The following TENM1 variants were observed in gnomAD, a reference collection of about 807,000 sequenced individuals.
The protein encoded by TENM1 is teneurin-1.
TENM1 carries 35 observed loss-of-function variants against 174.8 expected under a neutral mutation model. That is an observed-to-expected ratio of 0.20 (90% CI 0.15 to 0.27). The LOEUF is 0.27. Among genes scored for constraint, TENM1 ranks in the 10% least tolerant of loss-of-function variants. TENM1 has a pLI of 1.00. For synonymous variants in TENM1, 781 were observed against 798.7 expected (o/e 0.98, Z 0.37); for missense variants, 1,633 against 2,130.1 (o/e 0.77, Z 4.59).
chrX:124,744,965 G>A (rs2053882253), intron 3 of TENM1, among the ~76,000 whole-genome samples: 1 of 111,734 alleles, frequency 8.9e-6, no homozygotes, highest in South Asian at 3.8e-4. Context: ...TGTGTCTGAA[G>A]TTTCAAGAAA....
chrX:124,850,948 T>C (rs1246825589), intron 3 of TENM1, among the ~76,000 whole-genome samples: 2 of 111,623 alleles, frequency 1.8e-5, no homozygotes, highest in Non-Finnish European at 3.8e-5. Flanking sequence ...TAACTTAAAC[T>C]TCTGAATAAA....
chrX:125,123,107 A>C, the TENM1 span, among the ~76,000 whole-genome samples: 2 of 111,811 alleles, frequency 1.8e-5, no homozygotes, highest in African/African-American at 6.5e-5. Context: ...ACCTAAAGCC[A>C]AAAGTACATT....
intron 3 of TENM1, among the ~76,000 whole-genome samples, chrX:124,747,599 G>C (rs997407825): frequency 1.9e-5 from 2 of 107,523 alleles, no homozygotes; most frequent in African/African-American, 6.8e-5. Context: ...TCTTCGTTAA[G>C]CTCATTCAAG....
intron 1 of TENM1, among the ~76,000 whole-genome samples, chrX:124,906,146 T>C (rs189257876): frequency 4.4e-4 from 49 of 111,982 alleles, no homozygotes; most frequent in Admixed American, 3.6e-3. Context: ...CTCAGAACAC[T>C]TACATTAGCT....
rs751190595 is a variant in TENM1, at chrX:124,942,170, T to G, written c.217+21367A>C. On this transcript the variant is annotated intron_variant, in intron 1 of 31. Coordinates refer to ENST00000422452, the Ensembl canonical transcript of TENM1. ...TCTCTCTTTCATTGCTTACAACCAG[T>G]TAGCCCCTAAGTCTTGCCAATTTAA... 6.3e-5 allele frequency among the ~76,000 whole-genome samples: 7 copies of G among 111,759 alleles called. 1 individual carries two copies. The South Asian group carries it at 2.6e-3, about 42-fold the overall frequency.
intron 28 of TENM1, among the ~76,000 whole-genome samples, chrX:124,387,007 G>A (rs2147598701): frequency 9.3e-6 from 1 of 107,443 alleles, no homozygotes; most frequent in African/African-American, 3.4e-5. Context: ...AAGGTAAATG[G>A]ATGGCAGGGC....
chrX:124,927,578 T>C (rs374860899), intron 1 of TENM1, among the ~76,000 whole-genome samples: 1 of 111,843 alleles, frequency 8.9e-6, no homozygotes, highest in Non-Finnish European at 1.9e-5. Context: ...TAAGGGACTA[T>C]ATGAGGGGGG....
chrX:125,117,666 G>A, the TENM1 span, among the ~76,000 whole-genome samples: 7 of 110,528 alleles, frequency 6.3e-5, no homozygotes, highest in East Asian at 1.4e-3. Context: ...AAACCTGCAC[G>A]TTCTGTACAT....
chrX:124,814,436 A>G (rs2055853833), intron 3 of TENM1, among the ~76,000 whole-genome samples: 1 of 110,886 alleles, frequency 9.0e-6, no homozygotes, highest in Non-Finnish European at 1.9e-5. Context: ...TCCTTACAGT[A>G]GCCCACTACA....
Position 124,902,820 on chromosome X carries a change from T to C in TENM1, c.218-6579A>G, listed in dbSNP as rs7890953. ...GTCTTAGAAAATTAGTTCAATTTAA[T>C]TTCCTCCTTTCTTCATGAAAATGTT... On this transcript the variant is annotated intron_variant, in intron 1 of 31. Coordinates refer to ENST00000422452, the Ensembl canonical transcript of TENM1. 4.5e-3 allele frequency among the ~76,000 whole-genome samples: 505 copies of C among 112,525 alleles called. 2 individuals are homozygous for C. Among genetic ancestry groups the C allele is most frequent in the African/African-American group, 0.015 (481 of 31,054 alleles).
chrX:125,018,964 T>A, the TENM1 span, among the ~76,000 whole-genome samples: 1 of 112,194 alleles, frequency 8.9e-6, no homozygotes, highest in East Asian at 2.8e-4. Flanking sequence ...GTGCTTCTCA[T>A]AAATTGCTGA....
intron 18 of TENM1, among the ~76,000 whole-genome samples, chrX:124,504,909 ATGT>A (rs2047413048): frequency 2.7e-5 from 3 of 112,163 alleles, no homozygotes; most frequent in African/African-American, 9.8e-5. Context: ...GTGCATGTGC[ATGT>A]GTATGTGAGC....
At chrX:124,672,034 G>A (rs2051936708) in intron 5 of TENM1, among the ~76,000 whole-genome samples, 199 bp from the exon 9 acceptor site, 1 of 112,067 alleles carries the variant, frequency 8.9e-6, no homozygotes, top group Non-Finnish European at 1.9e-5. Flanking sequence ...AGCTGTTAAA[G>A]TAGCTGTTGT....
chrX:124,458,737 G>C (rs981923526), intron 22 of TENM1, among the ~76,000 whole-genome samples: 1 of 111,926 alleles, frequency 8.9e-6, no homozygotes, highest in African/African-American at 3.2e-5. Context: ...TTCTGATTGA[G>C]AGAAAGACAG....
At chrX:124,411,480 CAG>C (rs1332567829) in intron 25 of TENM1, among the ~76,000 whole-genome samples, 1 of 111,386 alleles carries the variant, frequency 9.0e-6, no homozygotes, top group Admixed American at 9.5e-5. Flanking sequence ...TTTCTGTGGC[CAG>C]AGAGGCCAAT....
intron 25 of TENM1, among the ~76,000 whole-genome samples, chrX:124,413,340 G>A (rs1285152374): frequency 8.9e-6 from 1 of 111,985 alleles, no homozygotes; most frequent in African/African-American, 3.3e-5. Flanking sequence ...GGAGGACACA[G>A]TGTCTCATTC....
chrX:124,795,731 G>C (rs1352563574), intron 3 of TENM1, among the ~76,000 whole-genome samples: 1 of 109,679 alleles, frequency 9.1e-6, no homozygotes, highest in Non-Finnish European at 1.9e-5. Context: ...AAATTTAGGC[G>C]GTGGTTTCTG....
At chrX:125,158,873 A>C in the TENM1 span, among the ~76,000 whole-genome samples, 1 of 111,596 alleles carries the variant, frequency 9.0e-6, no homozygotes, top group South Asian at 3.8e-4. Flanking sequence ...AAAAACATCC[A>C]ACATAATATT....
At chrX:124,926,982 G>A (rs748204921) in intron 1 of TENM1, among the ~76,000 whole-genome samples, 14 of 111,725 alleles carry the variant, frequency 1.3e-4, no homozygotes, top group Non-Finnish European at 2.4e-4. Context: ...GATTATTCTA[G>A]GTTTTTCATT....
Sources: gnomAD v4.1 joint callset for allele counts (sites outside exome capture counted in the v4.1 genomes callset) on GRCh38, gnomAD v4.1.1 for gene constraint, MANE v1.5 for transcripts, NCBI Gene and HGNC (gene_info 2026-07-23, HGNC 2026-07-21) for gene names.